The following CADPS2 variants were observed in gnomAD, a reference collection of about 807,000 sequenced individuals.
The protein encoded by CADPS2 is calcium-dependent secretion activator 2.
A neutral mutation model predicts 172.5 loss-of-function variants in CADPS2; 93 were observed. The ratio of observed to expected loss-of-function variants is 0.54; its 90% CI spans 0.46 to 0.64. CADPS2 has a LOEUF of 0.64. Ranked by LOEUF, CADPS2 falls within the 30% of genes least tolerant of loss-of-function variation. The probability of loss-of-function intolerance (pLI) is 0.00; values close to 1 mark genes in which losing one functional copy is unlikely to be tolerated. For synonymous variants in CADPS2, 546 were observed against 555.2 expected, an observed-to-expected ratio of 0.98 and a Z score of 0.23; for missense variants, 1,420 against 1,565.9, an observed-to-expected ratio of 0.91 and a Z score of 1.57.
intron 7 of CADPS2, among the ~76,000 whole-genome samples, chr7:122,564,123 G>A (rs1474412168): frequency 6.6e-6 from 1 of 152,134 alleles, no homozygotes; most frequent in East Asian, 1.9e-4. Context: ...ACCTTAAACT[G>A]TGAAGGTGAG....
chr7:122,548,079 G>A (rs1326651814), intron 8 of CADPS2, among the ~76,000 whole-genome samples: 1 of 152,052 alleles, frequency 6.6e-6, no homozygotes, highest in Non-Finnish European at 1.5e-5. Context: ...TTCAAATAAA[G>A]CAATTTAGCT....
At chr7:122,681,620 A>C (rs1588383342) in intron 2 of CADPS2, 1 of 1,491,940 alleles carries the variant, frequency 6.7e-7, no homozygotes, top group Non-Finnish European at 9.2e-7. Context: ...CCAGATTTAG[A>C]CCTGCGGGTG....
chr7:122,563,110 G>T (rs560574226), intron 7 of CADPS2, among the ~76,000 whole-genome samples: 15 of 152,072 alleles, frequency 9.9e-5, no homozygotes, highest in African/African-American at 3.6e-4. Context: ...AATATACATA[G>T]ATCACTTTTC....
chr7:122,406,517 T>C (rs755333006), intron 20 of CADPS2, among the ~76,000 whole-genome samples: 1 of 152,146 alleles, frequency 6.6e-6, no homozygotes, highest in Non-Finnish European at 1.5e-5. Flanking sequence ...GTCTGGGTTA[T>C]TCAGGTCACA....
Position 122,774,999 on chromosome 7 carries a change from G to T in CADPS2, c.340-37931C>A, listed in dbSNP as rs548414805. On this transcript the variant is annotated intron_variant, in intron 1 of 29. Transcript: ENST00000449022. ...TTTTCTGTTAAATTCTCAAAGAATT[G>T]TGTTAGTCTCTCAACTATGTGTGTT... Among the ~76,000 whole-genome samples the T allele has an allele frequency of 2.0e-5, 3 of 152,122 alleles. No homozygotes were observed. The East Asian group carries it at 5.8e-4, about 29-fold the overall frequency.
At chr7:122,790,799 C>T (rs1479171806) in intron 1 of CADPS2, among the ~76,000 whole-genome samples, 1 of 152,064 alleles carries the variant, frequency 6.6e-6, no homozygotes, top group Non-Finnish European at 1.5e-5. Context: ...AATTGATCTA[C>T]CACTTGAAAA....
chr7:122,482,909 G>A (rs1286889787), intron 11 of CADPS2, among the ~76,000 whole-genome samples: 1 of 152,094 alleles, frequency 6.6e-6, no homozygotes, highest in African/African-American at 2.4e-5. Context: ...GTGTAGAAAG[G>A]GAAAGAAGCA....
chr7:122,797,075 C>T (rs1303104967), intron 1 of CADPS2, among the ~76,000 whole-genome samples: 1 of 151,864 alleles, frequency 6.6e-6, no homozygotes, highest in African/African-American at 2.4e-5. Context: ...AGAAGATATA[C>T]ATGTGGATAA....
intron 15 of CADPS2, among the ~76,000 whole-genome samples, chr7:122,442,819 T>C (rs953688563): frequency 6.6e-6 from 1 of 152,154 alleles, no homozygotes; most frequent in African/African-American, 2.4e-5. Context: ...TTTATCATTG[T>C]ATTTACTGCT....
At chr7:122,669,148 T>C (rs997693569) in intron 2 of CADPS2, among the ~76,000 whole-genome samples, 1 of 152,060 alleles carries the variant, frequency 6.6e-6, no homozygotes, top group African/African-American at 2.4e-5. Flanking sequence ...CTGGGAAACA[T>C]GGCGAAACCC....
At chr7:122,708,546 T>G (rs1194180603) in intron 2 of CADPS2, among the ~76,000 whole-genome samples, 3 of 9,484 alleles carry the variant, frequency 3.2e-4, no homozygotes, top group Admixed American at 2.5e-3. Flanking sequence ...TATATATATA[T>G]ATATATATAT....
At chr7:122,773,056 A>C (rs2093752979) in intron 1 of CADPS2, among the ~76,000 whole-genome samples, 1 of 152,134 alleles carries the variant, frequency 6.6e-6, no homozygotes, top group African/African-American at 2.4e-5. Context: ...TCTCAGTATA[A>C]TGAAGGTCAG....
At chr7:122,352,035 T>C (rs879762721) in intron 27 of CADPS2, among the ~76,000 whole-genome samples, 4 of 152,170 alleles carry the variant, frequency 2.6e-5, no homozygotes, top group Non-Finnish European at 5.9e-5. Context: ...AATTTTCAAT[T>C]GAGATCTATG....
rs114824257 is a variant in CADPS2 at position 122,725,993 on chromosome 7, A to G, written c.453+10962T>C. On this transcript the variant is annotated intron_variant, in intron 2 of 29. Transcript: ENST00000449022. ...TCCCTAAAAAGAGTTGGTGTCTCCT[A>G]AACAGTTTGAATTTTTTTTTTCAAA... Among the ~76,000 whole-genome samples the G allele has an allele frequency of 3.8e-3, 583 of 152,068 alleles. 3 individuals are homozygous for G. The highest frequency in any genetic ancestry group is 0.014 in the Middle Eastern group (4 of 294).
At chr7:122,485,959 T>C (rs1316327996) in intron 11 of CADPS2, among the ~76,000 whole-genome samples, 1 of 152,266 alleles carries the variant, frequency 6.6e-6, no homozygotes, top group East Asian at 1.9e-4. Flanking sequence ...GCCCAGATGA[T>C]GGTGCATCTG....
intron 1 of CADPS2, among the ~76,000 whole-genome samples, chr7:122,758,322 A>C (rs1257443005): frequency 3.9e-5 from 6 of 152,198 alleles, no homozygotes; most frequent in African/African-American, 7.2e-5. Context: ...TCAGGCTGAA[A>C]ATAAAGCAAA....
intron 5 of CADPS2, among the ~76,000 whole-genome samples, chr7:122,618,671 C>T (rs1426979835): frequency 6.6e-6 from 1 of 152,186 alleles, no homozygotes; most frequent in Non-Finnish European, 1.5e-5. Context: ...ATTGATTTAA[C>T]TGCTTGCCTT....
chr7:122,518,802 A>C (rs1385562893), intron 8 of CADPS2, among the ~76,000 whole-genome samples: 1 of 152,060 alleles, frequency 6.6e-6, no homozygotes, highest in Non-Finnish European at 1.5e-5. Flanking sequence ...TTATCCAATA[A>C]AATAAGTATC....
intron 1 of CADPS2, among the ~76,000 whole-genome samples, chr7:122,769,170 T>C (rs2093639326): frequency 6.6e-6 from 1 of 152,222 alleles, no homozygotes; most frequent in Non-Finnish European, 1.5e-5. Flanking sequence ...CAGCCTAGTT[T>C]ATGATTATCA....
Sources: allele counts gnomAD v4.1 joint callset (sites outside exome capture counted in the v4.1 genomes callset), GRCh38; gene constraint gnomAD v4.1.1; transcripts MANE v1.5; gene names NCBI Gene and HGNC (gene_info 2026-07-23, HGNC 2026-07-21).